The following PDE3A variants were observed in gnomAD, a reference collection of about 807,000 sequenced individuals.
PDE3A encodes the protein cGMP-inhibited 3',5'-cyclic phosphodiesterase 3A.
A neutral mutation model predicts 98.3 loss-of-function variants in PDE3A; 43 were observed. That is an observed-to-expected ratio of 0.44 (90% CI 0.34 to 0.56). PDE3A has a LOEUF of 0.56. Among genes scored for constraint, PDE3A ranks in the 20% least tolerant of loss-of-function variants. The pLI, the probability that PDE3A is intolerant of heterozygous loss-of-function variation, is 0.01. For synonymous variants in PDE3A, 663 were observed against 567.9 expected (o/e 1.17, Z -2.38); for missense variants, 1,427 against 1,440.7 (o/e 0.99, Z 0.15).
At chr12:20,537,849 T>TAAAAA (rs33973053) in intron 1 of PDE3A, among the ~76,000 whole-genome samples, 1 of 145,160 alleles carries the variant, frequency 6.9e-6, no homozygotes, top group Non-Finnish European at 1.5e-5. Context: ...CCTTTGTTCT[T>TAAAAA]AAAAAAAAAA....
chr12:20,572,087 A>G (rs1291327735), intron 2 of PDE3A: 8 of 1,241,442 alleles, frequency 6.4e-6, no homozygotes, highest in African/African-American at 1.6e-5. Flanking sequence ...TCAGTCTAAC[A>G]GAATCTGAAC....
At chr12:20,595,620 G>A (rs1204879494) in intron 2 of PDE3A, among the ~76,000 whole-genome samples, 1 of 152,184 alleles carries the variant, frequency 6.6e-6, no homozygotes, top group Non-Finnish European at 1.5e-5. Context: ...GTAGAATGTA[G>A]CTGATGATAG....
intron 15 of PDE3A, among the ~76,000 whole-genome samples, chr12:20,672,685 T>G (rs1275374787): frequency 3.3e-5 from 4 of 121,572 alleles, no homozygotes; most frequent in African/African-American, 1.3e-4. Flanking sequence ...TTACACCTTA[T>G]ACAAAAATCA....
Position 20,650,823 on chromosome 12 carries a change from T to TGG in PDE3A, c.2925+227_2925+228dup, listed in dbSNP as rs11464075. Among the ~76,000 whole-genome samples, 34 of 151,756 alleles carry TGG rather than the reference T, an allele frequency of 2.2e-4. 1 individual carries two copies. The highest frequency in any genetic ancestry group is 4.4e-5 in the Non-Finnish European group (3 of 67,934). ...ATGATAAAAGTTATTTGCAAGCATT[T>TGG]GGGGGAAGAAGATATTGAGATAGTG... is the stretch of plus-strand genomic sequence containing the variant. On this transcript the variant is annotated intron_variant, in intron 14 of 15. Coordinates refer to ENST00000359062, the MANE Select transcript of PDE3A (RefSeq NM_000921.5).
rs1439502987 is a variant in PDE3A, at chr12:20,369,812, T to C, written c.528T>C (p.Ile176=). The part of the protein sequence containing the change: ...ACCGGEALVQ[I]GLGVGEDHLL... Reference sequence around the variant, plus strand: ...GCGGGGGGGAAGCGCTCGTCCAGATTGGGCTGGGCGTCGGGGAGGATCACT... The same window carrying C: ...GCGGGGGGGAAGCGCTCGTCCAGATCGGGCTGGGCGTCGGGGAGGATCACT... Residue 176 remains isoleucine, a synonymous_variant, in exon 1 of 16, where the codon ATT becomes ATC. Coordinates refer to ENST00000359062, the MANE Select transcript of PDE3A (RefSeq NM_000921.5). 1.2e-6 allele frequency: 2 copies of C among 1,612,026 alleles called. No homozygotes were observed. The highest frequency in any genetic ancestry group is 1.7e-6 in the Non-Finnish European group (2 of 1,179,520).
chr12:20,655,312 G>A (rs866342913), intron 15 of PDE3A, among the ~76,000 whole-genome samples: 4 of 152,106 alleles, frequency 2.6e-5, no homozygotes, highest in African/African-American at 9.7e-5. Context: ...TGCTCCCTGG[G>A]GCTGTATGTG....
intron 1 of PDE3A, among the ~76,000 whole-genome samples, chr12:20,385,687 G>A (rs1331993571): frequency 1.5e-4 from 22 of 150,804 alleles, no homozygotes; most frequent in African/African-American, 4.1e-4. Context: ...ACTATCGCAA[G>A]GACAAAAAAA....
At chr12:20,615,529 T>C (rs1035541742) in intron 3 of PDE3A, among the ~76,000 whole-genome samples, 2 of 152,166 alleles carry the variant, frequency 1.3e-5, no homozygotes, top group African/African-American at 2.4e-5. Context: ...TGCAAGGTGA[T>C]ATAAATTAAT....
chr12:20,597,009 T>A (rs1489985133), intron 2 of PDE3A, among the ~76,000 whole-genome samples: 1 of 152,104 alleles, frequency 6.6e-6, no homozygotes, highest in Admixed American at 6.5e-5. Context: ...ACTACCTGGG[T>A]TGGAATGTCA....
At chr12:20,588,919 T>TTTTG (rs1038248638) in intron 2 of PDE3A, among the ~76,000 whole-genome samples, 12 of 152,132 alleles carry the variant, frequency 7.9e-5, no homozygotes, top group South Asian at 4.2e-4. Flanking sequence ...GGGTTATCCT[T>TTTTG]TTTGTTTGTT....
At chr12:20,576,328 T>C (rs1462886970) in intron 2 of PDE3A, among the ~76,000 whole-genome samples, 1 of 152,116 alleles carries the variant, frequency 6.6e-6, no homozygotes, top group Non-Finnish European at 1.5e-5. Context: ...GCAAGGAATT[T>C]GCAAACAAGA....
At chr12:20,669,525 A>G (rs1272318820) in intron 15 of PDE3A, among the ~76,000 whole-genome samples, 1 of 152,070 alleles carries the variant, frequency 6.6e-6, no homozygotes, top group Non-Finnish European at 1.5e-5. Flanking sequence ...ACAAGCCAGA[A>G]GAGAGTGGGG....
chr12:20,427,882 T>C (rs1320429803), intron 1 of PDE3A, among the ~76,000 whole-genome samples: 2 of 151,966 alleles, frequency 1.3e-5, no homozygotes, highest in Non-Finnish European at 2.9e-5. Context: ...AACTAAATCC[T>C]CTTTTTAAAA....
chr12:20,442,806 T>A (rs1221452413), intron 1 of PDE3A, among the ~76,000 whole-genome samples: 1 of 152,194 alleles, frequency 6.6e-6, no homozygotes, highest in East Asian at 1.9e-4. Flanking sequence ...TTGAAGCATA[T>A]GCTTAAACTT....
intron 9 of PDE3A, among the ~76,000 whole-genome samples, chr12:20,637,602 T>G (rs1412611082): frequency 6.6e-6 from 1 of 152,168 alleles, no homozygotes; most frequent in Non-Finnish European, 1.5e-5. Context: ...TTGTCTGTAA[T>G]TATTTTTGAT....
intron 1 of PDE3A, among the ~76,000 whole-genome samples, chr12:20,413,625 A>G (rs1944371468): frequency 6.6e-6 from 1 of 152,206 alleles, no homozygotes; most frequent in Non-Finnish European, 1.5e-5. Context: ...GAGCTGAGCA[A>G]CAAGTGTGAG....
chr12:20,451,963 C>T (rs763578854), intron 1 of PDE3A, among the ~76,000 whole-genome samples: 2 of 152,200 alleles, frequency 1.3e-5, no homozygotes, highest in Admixed American at 6.5e-5. Context: ...CTCACTGGCT[C>T]TTCATCTGAT....
chr12:20,654,345 C>A, intron 15 of PDE3A, 140 bp downstream of exon 15: 1 of 684,354 alleles, frequency 1.5e-6, no homozygotes, highest in South Asian at 1.9e-5. Context: ...TAGCTCCCTT[C>A]CCCAATATCA....
chr12:20,674,672 C>A (rs879443187), intron 15 of PDE3A, among the ~76,000 whole-genome samples: 2 of 151,990 alleles, frequency 1.3e-5, no homozygotes, highest in Non-Finnish European at 2.9e-5. Context: ...CTTCCTGATT[C>A]AATCTTGGTA....
Sources: gnomAD v4.1 joint callset for allele counts (sites outside exome capture counted in the v4.1 genomes callset) on GRCh38, gnomAD v4.1.1 for gene constraint, MANE v1.5 for transcripts, NCBI Gene and HGNC (gene_info 2026-07-23, HGNC 2026-07-21) for gene names.